CSMD1: variants seen among roughly 807,000 people sequenced by gnomAD.
CSMD1 encodes CUB and sushi domain-containing protein 1.
CSMD1 carries 213 observed loss-of-function variants against 417.5 expected under a neutral mutation model. The ratio of observed to expected loss-of-function variants is 0.51; its 90% CI spans 0.46 to 0.57. The LOEUF (loss-of-function observed/expected upper bound fraction) is 0.57, where lower values mean the gene tolerates loss of function less well. Among genes scored for constraint, CSMD1 ranks in the 20% least tolerant of loss-of-function variants. The pLI, the probability that CSMD1 is intolerant of heterozygous loss-of-function variation, is 0.00. For missense variants in CSMD1, 6,923 were observed against 4,529.7 expected, an observed-to-expected ratio of 1.53 and a Z score of -15.17; for synonymous variants, 2,862 against 1,736.8, an observed-to-expected ratio of 1.65 and a Z score of -16.11.
chr8:4,499,819 G>C (rs1802163060), intron 2 of CSMD1, among the ~76,000 whole-genome samples: 1 of 152,196 alleles, frequency 6.6e-6, no homozygotes, highest in African/African-American at 2.4e-5. Flanking sequence ...GCTATACTGA[G>C]ATCTTTAAAG....
At chr8:3,156,377 A>G (rs940501496) in intron 39 of CSMD1, among the ~76,000 whole-genome samples, 9 of 152,204 alleles carry the variant, frequency 5.9e-5, no homozygotes, top group African/African-American at 2.2e-4. Context: ...CCATTCTTTA[A>G]TTGAAATTCT....
chr8:4,134,790 T>A (rs142210433), intron 3 of CSMD1, among the ~76,000 whole-genome samples: 6 of 152,306 alleles, frequency 3.9e-5, no homozygotes, highest in African/African-American at 9.6e-5. Context: ...CACGGCATCA[T>A]GAGTGATTTA....
intron 1 of CSMD1, among the ~76,000 whole-genome samples, chr8:4,974,362 C>T (rs1467145833): frequency 6.6e-6 from 1 of 152,030 alleles, no homozygotes; most frequent in Non-Finnish European, 1.5e-5. Context: ...TCGGTTAGCA[C>T]TTAGCTGCAA....
At chr8:3,996,233 A>G (rs143990970) in intron 5 of CSMD1, among the ~76,000 whole-genome samples, 7 of 152,292 alleles carry the variant, frequency 4.6e-5, no homozygotes, top group African/African-American at 1.4e-4. Flanking sequence ...TGTGCAGTCA[A>G]TGCCCAATAC....
intron 2 of CSMD1, among the ~76,000 whole-genome samples, chr8:4,514,425 A>G (rs1015753906): frequency 2.0e-5 from 3 of 152,270 alleles, no homozygotes; most frequent in South Asian, 2.1e-4. Context: ...GGCAGATCTG[A>G]ATGCCACAGG....
chr8:4,399,608 G>A (rs1182323755), intron 3 of CSMD1, among the ~76,000 whole-genome samples: 1 of 151,748 alleles, frequency 6.6e-6, no homozygotes, highest in African/African-American at 2.4e-5. Flanking sequence ...CATATTTGTA[G>A]TTGTAACACC....
intron 36 of CSMD1, among the ~76,000 whole-genome samples, chr8:3,185,412 C>G (rs1359205925): frequency 6.6e-6 from 1 of 152,054 alleles, no homozygotes; most frequent in African/African-American, 2.4e-5. Context: ...TTGGCTAATC[C>G]ATCATGCAGC....
In CSMD1 at chr8:4,648,829, T is replaced by C. The variant is rs75597011; in HGVS notation, c.86-11271A>G. ...CCCACCACTTGTCTGGTAAAATGTG[T>C]GTTTATAGTTGGTCGGGAAGTATGC... On this transcript the variant is annotated intron_variant, in intron 1 of 69. Transcript: ENST00000635120. Among the ~76,000 whole-genome samples, 788 of 152,288 alleles carry C rather than the reference T, an allele frequency of 5.2e-3. 4 individuals carry two copies. Among genetic ancestry groups the C allele is most frequent in the African/African-American group, 0.015 (607 of 41,554 alleles).
chr8:4,003,335 G>C (rs1471769811), intron 4 of CSMD1, among the ~76,000 whole-genome samples: 1 of 152,084 alleles, frequency 6.6e-6, no homozygotes, highest in East Asian at 1.9e-4. Flanking sequence ...GGAGCTTGCA[G>C]TGAGCAGAGA....
chr8:3,187,990 A>G (rs368495634), intron 35 of CSMD1, 25 bp from the exon 36 acceptor site: 1 of 1,597,600 alleles, frequency 6.3e-7, no homozygotes, highest in Admixed American at 1.7e-5. Flanking sequence ...CATTAAGTTA[A>G]TATTTATTTT....
At chr8:4,081,944 A>G (rs986374821) in intron 3 of CSMD1, among the ~76,000 whole-genome samples, 5 of 152,276 alleles carry the variant, frequency 3.3e-5, no homozygotes, top group South Asian at 2.1e-4. Flanking sequence ...ATTACACTCG[A>G]AAAACCATAT....
intron 2 of CSMD1, among the ~76,000 whole-genome samples, chr8:4,450,552 T>A (rs902347686): frequency 1.8e-4 from 28 of 152,080 alleles, no homozygotes; most frequent in Non-Finnish European, 2.9e-5. Context: ...CGGGATTCAC[T>A]TGAACCCGGG....
chr8:3,666,941 T>C (rs893969756), intron 7 of CSMD1, among the ~76,000 whole-genome samples: 6 of 152,188 alleles, frequency 3.9e-5, no homozygotes, highest in East Asian at 1.9e-4. Context: ...GTGTAAGAGA[T>C]AGAGAAATAA....
rs144154242 is a variant in CSMD1, at chr8:4,186,594, A to G, written c.416-154495T>C. ...GAAGGGTCTCAGCATTGCTAATGTC[A>G]AATCAGCCCCTCTCTCAATCTTCCA... On this transcript the variant is annotated intron_variant, in intron 3 of 69. Coordinates refer to ENST00000635120, the MANE Select transcript of CSMD1 (RefSeq NM_033225.6). 2.2e-3 allele frequency among the ~76,000 whole-genome samples: 328 copies of G among 152,334 alleles called. 2 individuals are homozygous for G. Among genetic ancestry groups the G allele is most frequent in the African/African-American group, 7.3e-3 (303 of 41,574 alleles).
intron 2 of CSMD1, among the ~76,000 whole-genome samples, chr8:4,495,417 T>A (rs1563231845): frequency 6.6e-6 from 1 of 151,896 alleles, no homozygotes; most frequent in Non-Finnish European, 1.5e-5. Flanking sequence ...CTACTAAAAA[T>A]ACAGAAAATT....
At chr8:4,884,776 G>C (rs191024501) in intron 1 of CSMD1, among the ~76,000 whole-genome samples, 1 of 152,072 alleles carries the variant, frequency 6.6e-6, no homozygotes, top group East Asian at 1.9e-4. Flanking sequence ...CGGTAGCTTT[G>C]GAATAAGATT....
chr8:3,054,061 C>A (rs755136410), intron 49 of CSMD1, among the ~76,000 whole-genome samples: 3 of 152,164 alleles, frequency 2.0e-5, no homozygotes, highest in Non-Finnish European at 4.4e-5. Context: ...GACTTAGTAA[C>A]CTCTGGCCAG....
chr8:3,925,748 T>A (rs1031704860), intron 5 of CSMD1, among the ~76,000 whole-genome samples: 3 of 152,114 alleles, frequency 2.0e-5, no homozygotes, highest in Non-Finnish European at 4.4e-5. Flanking sequence ...TCCCCAGCCA[T>A]GTGGAACTGT....
At chr8:3,940,149 T>G (rs1810777907) in intron 5 of CSMD1, among the ~76,000 whole-genome samples, 1 of 152,176 alleles carries the variant, frequency 6.6e-6, no homozygotes, top group Admixed American at 6.6e-5. Flanking sequence ...CAAGTTATTT[T>G]AAGCTTGTCA....
Sources: gnomAD v4.1 joint callset for allele counts (sites outside exome capture counted in the v4.1 genomes callset) on GRCh38, gnomAD v4.1.1 for gene constraint, MANE v1.5 for transcripts, NCBI Gene and HGNC (gene_info 2026-07-23, HGNC 2026-07-21) for gene names.